The following OSBP2 variants were observed in gnomAD, a reference collection of about 807,000 sequenced individuals.
OSBP2 encodes oxysterol binding protein 2, also known as oxysterol-binding protein 2.
In OSBP2, 66 loss-of-function variants were observed where a neutral mutation model predicts 96.0. The observed-to-expected ratio is 0.69, with a 90% CI of 0.56 to 0.84. The LOEUF (loss-of-function observed/expected upper bound fraction) is 0.84, where lower values mean the gene tolerates loss of function less well. OSBP2 is among the 40% of genes least tolerant of loss of function. The pLI is 0.00. For missense variants in OSBP2, 1,038 were observed against 1,222.7 expected, an observed-to-expected ratio of 0.85 and a Z score of 2.25; for synonymous variants, 525 against 520.9, an observed-to-expected ratio of 1.01 and a Z score of -0.11.
chr22:30,762,284 T>A (rs2090215002), intron 2 of OSBP2, among the ~76,000 whole-genome samples: 1 of 148,336 alleles, frequency 6.7e-6, no homozygotes, highest in Non-Finnish European at 1.5e-5. Flanking sequence ...GCGCGGTGGC[T>A]CACGCCTGTA....
chr22:30,769,535 G>A (rs2090320825), intron 2 of OSBP2, among the ~76,000 whole-genome samples: 1 of 152,080 alleles, frequency 6.6e-6, no homozygotes, highest in South Asian at 2.1e-4. Flanking sequence ...TGTAGTCCCA[G>A]CTACTCGGGA....
intron 2 of OSBP2, among the ~76,000 whole-genome samples, chr22:30,802,895 A>G (rs1280358569): frequency 6.6e-6 from 1 of 151,946 alleles, no homozygotes; most frequent in Non-Finnish European, 1.5e-5. Flanking sequence ...CGGCTCCTCT[A>G]GGTCCGGCTG....
intron 2 of OSBP2, among the ~76,000 whole-genome samples, chr22:30,828,990 A>G (rs2038464199): frequency 6.6e-6 from 1 of 152,126 alleles, no homozygotes; most frequent in African/African-American, 2.4e-5. Flanking sequence ...TGGGCCAAGC[A>G]CCAGCCCTGT....
intron 2 of OSBP2, among the ~76,000 whole-genome samples, chr22:30,756,869 G>A (rs2090147288): frequency 6.6e-6 from 1 of 152,076 alleles, no homozygotes; most frequent in African/African-American, 2.4e-5. Flanking sequence ...CTTCAGGCAG[G>A]GGTGATAGGG....
At chr22:30,889,449 G>A (rs1426357706) in intron 6 of OSBP2, 41 bp from the exon 7 acceptor site, 4 of 1,612,320 alleles carry the variant, frequency 2.5e-6, no homozygotes, top group Admixed American at 1.7e-5. Context: ...GGGGCGCTCT[G>A]GCCTCTGCTG....
intron 2 of OSBP2, among the ~76,000 whole-genome samples, chr22:30,810,626 T>C (rs1015882767): frequency 4.6e-5 from 7 of 152,302 alleles, no homozygotes; most frequent in Admixed American, 4.6e-4. Flanking sequence ...AGACAGGTAC[T>C]ATACCTGAGC....
At position 30,836,616 on chromosome 22, in the gene OSBP2, A is replaced by G. The variant is rs545908715; in HGVS notation, c.854-33813A>G. ...ATTTCGGGAAAGGTAATTCAAAGGT[A>G]TTTACCACTAAGTTTATGTCTTTGG... On this transcript the variant is annotated intron_variant, in intron 2 of 13. Coordinates refer to ENST00000332585, the MANE Select transcript of OSBP2 (RefSeq NM_030758.4). Among the ~76,000 whole-genome samples the G allele has an allele frequency of 5.3e-5, 8 of 152,282 alleles. No homozygotes were observed. The South Asian group carries it at 1.2e-3, about 24-fold the overall frequency.
At chr22:30,906,167 AC>A in intron 13 of OSBP2, 29 bp from the exon 14 acceptor site, 1 of 1,613,480 alleles carries the variant, frequency 6.2e-7, no homozygotes, top group Non-Finnish European at 8.5e-7. Context: ...CCACAAGCCC[AC>A]CCACCAGCCC....
intron 2 of OSBP2, among the ~76,000 whole-genome samples, chr22:30,868,027 T>C (rs186350542): frequency 6.6e-6 from 1 of 152,388 alleles, no homozygotes; most frequent in East Asian, 1.9e-4. Context: ...GAGACCTGGC[T>C]ACTCAGGAAT....
Position 30,889,656 on chromosome 22 carries a change from C to G in OSBP2, c.1623+20C>G. 6.2e-7 allele frequency: 1 copy of G among 1,612,984 alleles called. No individual in the cohort carries two copies. Among genetic ancestry groups the G allele is most frequent in the Admixed American group, 1.7e-5 (1 of 60,014 alleles). ...ATGCCGGTGGGTGGCTCGGGCAGGGCAGCCCCGACAGGTCCTCTGGGGCTG... is the reference window on the plus strand; with the variant it reads ...ATGCCGGTGGGTGGCTCGGGCAGGGGAGCCCCGACAGGTCCTCTGGGGCTG... On this transcript the variant is annotated intron_variant, in intron 7 of 13. Transcript: ENST00000332585.
intron 2 of OSBP2, among the ~76,000 whole-genome samples, chr22:30,767,332 T>C (rs2090288249): frequency 6.6e-6 from 1 of 151,518 alleles, no homozygotes; most frequent in South Asian, 2.1e-4. Flanking sequence ...AAAATGTTGT[T>C]ATACAAAATA....
chr22:30,897,192 T>C lies in OSBP2; in HGVS notation c.2375+3191T>C, dbSNP rs182128687. On this transcript the variant is annotated intron_variant, in intron 12 of 13. Transcript: ENST00000332585. ...ATAATAGTTTTAAACATTATGCATA[T>C]AATTAAATTCCTCAAAAATAGACAA... 7.2e-5 allele frequency among the ~76,000 whole-genome samples: 11 copies of C among 152,348 alleles called. No individual in the cohort carries two copies. In the East Asian group the frequency reaches 1.9e-3, roughly 27 times the overall value.
chr22:30,902,661 C>A, intron 12 of OSBP2: 1 of 585,990 alleles, frequency 1.7e-6, no homozygotes, highest in Non-Finnish European at 3.2e-6. Context: ...GCACAAAGAC[C>A]ACGACTCCAG....
intron 2 of OSBP2, among the ~76,000 whole-genome samples, chr22:30,825,801 C>T (rs1332623853): frequency 2.0e-5 from 3 of 152,088 alleles, no homozygotes; most frequent in African/African-American, 4.8e-5. Context: ...TTCTCGTCTG[C>T]GGCCTCAAAG....
chr22:30,900,508 T>C (rs1178946249), intron 12 of OSBP2, among the ~76,000 whole-genome samples: 1 of 151,988 alleles, frequency 6.6e-6, no homozygotes, highest in Non-Finnish European at 1.5e-5. Context: ...TAAATTTATA[T>C]TGAGGAATAA....
At position 30,881,754 on chromosome 22, in the gene OSBP2, A is replaced by G; in HGVS notation, c.1108-5672A>G. Reference sequence around the variant, plus strand: ...AGCACAGCCAGGATGGGGCCTGGAGAAGGCCGGCAGCAGCAGAGGAGACCC... The same window carrying G: ...AGCACAGCCAGGATGGGGCCTGGAGGAGGCCGGCAGCAGCAGAGGAGACCC... On this transcript the variant is annotated intron_variant, in intron 3 of 13. Coordinates refer to ENST00000332585, the MANE Select transcript of OSBP2 (RefSeq NM_030758.4). This position sits in a 1 kb window ranked among gnomAD's most constrained non-coding sequence, Gnocchi z 4.5. 1 of 1,304,074 alleles carries G rather than the reference A, an allele frequency of 7.7e-7. No homozygotes were observed. 80.8% of individuals were successfully genotyped at this position (1,304,074 alleles called of 1,614,324 possible).
intron 1 of OSBP2, among the ~76,000 whole-genome samples, chr22:30,730,774 C>CTCTCTA (rs1569100458): frequency 1.0e-3 from 14 of 13,832 alleles, no homozygotes; most frequent in Non-Finnish European, 1.4e-3. Context: ...CTCTCTCTCT[C>CTCTCTA]TATATATATA....
At position 30,819,407 on chromosome 22, in the gene OSBP2, A is replaced by G. The variant is rs544820192; in HGVS notation, c.854-51022A>G. ...GGTTCAGACTCACGCATACGGTTATATGAGGGAAACTTTGTGACAGGACTC... is the reference window on the plus strand; with the variant it reads ...GGTTCAGACTCACGCATACGGTTATGTGAGGGAAACTTTGTGACAGGACTC... On this transcript the variant is annotated intron_variant, in intron 2 of 13. Transcript: ENST00000332585. 2.0e-5 allele frequency among the ~76,000 whole-genome samples: 3 copies of G among 152,282 alleles called. No individual in the cohort carries two copies. The East Asian group carries it at 5.8e-4, about 29-fold the overall frequency.
At chr22:30,734,981 A>G (rs2089828202) in intron 1 of OSBP2, among the ~76,000 whole-genome samples, 1 of 152,228 alleles carries the variant, frequency 6.6e-6, no homozygotes, top group Non-Finnish European at 1.5e-5. Context: ...ACTTGAGCTC[A>G]GGAGTTCAAG....
Sources: gnomAD v4.1 joint callset for allele counts (sites outside exome capture counted in the v4.1 genomes callset) on GRCh38, gnomAD v4.1.1 for gene constraint, Gnocchi (gnomAD v3.1) non-coding constraint, MANE v1.5 for transcripts, NCBI Gene and HGNC (gene_info 2026-07-23, HGNC 2026-07-21) for gene names.